Variants in PPP4R1 observed in about 807,000 individuals in gnomAD.
PPP4R1 encodes the protein protein phosphatase 4 regulatory subunit 1.
Under a neutral mutation model 111.2 loss-of-function variants are expected in PPP4R1, and 42 were observed. That is an observed-to-expected ratio of 0.38 (90% CI 0.29 to 0.49). The LOEUF (loss-of-function observed/expected upper bound fraction) is 0.49, where lower values mean the gene tolerates loss of function less well. Ranked by LOEUF, PPP4R1 falls within the 20% of genes least tolerant of loss-of-function variation. The pLI, the probability that PPP4R1 is intolerant of heterozygous loss-of-function variation, is 0.97. For synonymous variants in PPP4R1, 409 were observed against 405.5 expected, an observed-to-expected ratio of 1.01 and a Z score of -0.10; for missense variants, 1,012 against 1,161.6, an observed-to-expected ratio of 0.87 and a Z score of 1.87.
In PPP4R1 at chr18:9,588,825, T is replaced by G; in HGVS notation, c.324A>C (p.Glu108Asp). The G allele has an allele frequency of 1.2e-6, 2 of 1,614,002 alleles. No individual in the cohort carries two copies. Among genetic ancestry groups the G allele is most frequent in the Non-Finnish European group, 1.7e-6 (2 of 1,179,958 alleles). Reference protein sequence around the residue: ...SEPTVRAELMEQVPHIALFCQ... With the variant: ...SEPTVRAELMDQVPHIALFCQ... ...AAAACAGTGCGATGTGAGGCACCTG[T>G]TCCATCAGCTCCGCTCTCACAGTTG... is the stretch of plus-strand genomic sequence containing the variant. The change falls in exon 5 of 20, where the codon GAA becomes GAC. Residue 108 changes from glutamate (E) to aspartate (D), a missense_variant. Glu to Asp is a conservative substitution (Grantham distance 45). Around this residue, in one of 2 missense-constraint regions of PPP4R1, gnomAD observed 707 missense variants for 742.1 expected, o/e 0.95. Transcript: ENST00000400556.
chr18:9,560,848 C>A (rs189971545), intron 13 of PPP4R1, among the ~76,000 whole-genome samples: 2 of 147,098 alleles, frequency 1.4e-5, no homozygotes, highest in Admixed American at 6.8e-5. Flanking sequence ...GGTGACAGAG[C>A]GGAGACCCCA....
intron 13 of PPP4R1, among the ~76,000 whole-genome samples, chr18:9,561,693 G>C (rs1435843615): frequency 6.6e-6 from 1 of 152,158 alleles, no homozygotes; most frequent in Non-Finnish European, 1.5e-5. Flanking sequence ...ATGATAAAAA[G>C]AGGCACATGT....
intron 3 of PPP4R1, chr18:9,594,802 ATT>A (rs71168074): frequency 0.096 from 37,942 of 396,898 alleles, 1,818 homozygotes; most frequent in Non-Finnish European, 0.1. Flanking sequence ...ATTAATGGTA[ATT>A]TTTTTTTTTG....
At chr18:9,549,939 T>C in intron 18 of PPP4R1, 113 bp downstream of exon 18, 4 of 1,457,268 alleles carry the variant, frequency 2.7e-6, no homozygotes, top group Non-Finnish European at 3.7e-6. Flanking sequence ...CAGGCTACTA[T>C]AAGGTTCTGT....
chr18:9,561,969 T>C lies in PPP4R1; in HGVS notation c.1842+11A>G. The C allele has an allele frequency of 6.3e-7, 1 of 1,586,384 alleles. No individual in the cohort carries two copies. The highest frequency in any genetic ancestry group is 8.7e-7 in the Non-Finnish European group (1 of 1,155,132). On this transcript the variant is annotated intron_variant, in intron 13 of 19. Coordinates refer to ENST00000400556, the MANE Select transcript of PPP4R1 (RefSeq NM_001042388.3). ...CACACCCACAAAAGAACACATTTTTTGGTCACTTACTTGTACTTTAGTTCT... is the reference window on the plus strand; with the variant it reads ...CACACCCACAAAAGAACACATTTTTCGGTCACTTACTTGTACTTTAGTTCT...
intron 2 of PPP4R1, among the ~76,000 whole-genome samples, chr18:9,608,870 A>G (rs1248779407): frequency 6.6e-6 from 1 of 152,228 alleles, no homozygotes; most frequent in Non-Finnish European, 1.5e-5. Flanking sequence ...TAAACCAGAG[A>G]TCAAACAAAT....
At chr18:9,592,838 G>C (rs2067235004) in intron 4 of PPP4R1, among the ~76,000 whole-genome samples, 1 of 152,034 alleles carries the variant, frequency 6.6e-6, no homozygotes, top group Admixed American at 6.5e-5. Flanking sequence ...AAAAAAATAA[G>C]TAAAAATTAT....
At position 9,550,035 on chromosome 18, in the gene PPP4R1, C is replaced by T. The variant is rs1208335980; in HGVS notation, c.2547+17G>A. On this transcript the variant is annotated intron_variant, in intron 18 of 19. Transcript: ENST00000400556. Reference sequence around the variant, plus strand: ...GGAGAAAAACTCACAAACAGGTAAGCCCAGGGCCTCGCTTACCTGGCAGAC... The same window carrying T: ...GGAGAAAAACTCACAAACAGGTAAGTCCAGGGCCTCGCTTACCTGGCAGAC... 1.2e-6 allele frequency: 2 copies of T among 1,614,132 alleles called. No homozygotes were observed. Among genetic ancestry groups the T allele is most frequent in the Non-Finnish European group, 1.7e-6 (2 of 1,180,006 alleles).
intron 9 of PPP4R1, among the ~76,000 whole-genome samples, chr18:9,581,358 G>A (rs1452933562): frequency 6.6e-6 from 1 of 152,060 alleles, no homozygotes; most frequent in Non-Finnish European, 1.5e-5. Context: ...ATCAACTAGA[G>A]TATAACATCA....
intron 2 of PPP4R1, among the ~76,000 whole-genome samples, chr18:9,611,062 CCT>C (rs1323433651): frequency 6.6e-6 from 1 of 152,110 alleles, no homozygotes. Flanking sequence ...TGGCAATGCC[CCT>C]CTTTCAAGTC....
At chr18:9,555,941 C>A (rs967433562) in intron 15 of PPP4R1, among the ~76,000 whole-genome samples, 1 of 151,690 alleles carries the variant, frequency 6.6e-6, no homozygotes, top group East Asian at 2.0e-4. Context: ...TCAAGACCAT[C>A]CTGGCCAACA....
intron 8 of PPP4R1, among the ~76,000 whole-genome samples, 156 bp from the exon 9 acceptor site, chr18:9,583,431 A>C (rs2067064300): frequency 1.3e-5 from 2 of 152,132 alleles, no homozygotes; most frequent in Admixed American, 1.3e-4. Flanking sequence ...AGGTGGTGCG[A>C]TCTTGGCTCA....
At chr18:9,597,715 T>C (rs911093796) in intron 2 of PPP4R1, among the ~76,000 whole-genome samples, 2 of 152,004 alleles carry the variant, frequency 1.3e-5, no homozygotes, top group African/African-American at 4.8e-5. Context: ...TCCAAGAAAC[T>C]GTGTCACAGA....
At chr18:9,551,400 A>C (rs1469820249) in intron 16 of PPP4R1, 1 of 152,404 alleles carries the variant, frequency 6.6e-6, no homozygotes, top group Non-Finnish European at 1.5e-5. Context: ...TCAGCTGCCC[A>C]GGGCCAGATG....
intron 11 of PPP4R1, among the ~76,000 whole-genome samples, chr18:9,569,207 A>G (rs893367489): frequency 4.9e-4 from 75 of 152,034 alleles, no homozygotes; most frequent in Middle Eastern, 3.4e-3. Context: ...AAAAAAAAAA[A>G]AAGAAGAAAA....
chr18:9,591,317 A>T (rs537892887), intron 4 of PPP4R1, among the ~76,000 whole-genome samples: 113 of 151,774 alleles, frequency 7.4e-4, no homozygotes, highest in African/African-American at 2.6e-3. Flanking sequence ...ACCACACTCC[A>T]GCCTGGGTGA....
chr18:9,571,380 C>T (rs960435839), intron 10 of PPP4R1, among the ~76,000 whole-genome samples: 1 of 152,154 alleles, frequency 6.6e-6, no homozygotes, highest in Non-Finnish European at 1.5e-5. Context: ...TGAAGTACGA[C>T]TGTAAGTGTT....
At position 9,557,339 on chromosome 18, in the gene PPP4R1, G is replaced by A; in HGVS notation, c.2072C>T (p.Ala691Val). 6.2e-7 allele frequency: 1 copy of A among 1,608,688 alleles called. No homozygotes were observed. The highest frequency in any genetic ancestry group is 8.5e-7 in the Non-Finnish European group (1 of 1,178,658). The change falls in exon 15 of 20, where the codon GCA becomes GTA. Residue 691 changes from alanine to valine, a missense_variant. Physicochemically the swap from Ala to Val is moderately conservative, Grantham distance 64. Transcript: ENST00000400556. ...RTLAFSIHEL[A>V]VILGDQLTAA... The stretch of plus-strand genomic sequence containing the variant: ...TGTCAATTGATCTCCAAGAATAACT[G>A]CAAGCTCGTGGATGGAGAATGCTAG...
chr18:9,553,471 T>C, intron 15 of PPP4R1, 49 bp from the exon 16 acceptor site: 1 of 1,282,320 alleles, frequency 7.8e-7, no homozygotes, highest in South Asian at 1.2e-5. Flanking sequence ...ACAGACAGTA[T>C]TTCTTTTACT....
Sources: gnomAD v4.1 joint callset for allele counts (sites outside exome capture counted in the v4.1 genomes callset) on GRCh38, gnomAD v4.1.1 for gene constraint, gnomAD v4.1.1 regional missense constraint, MANE v1.5 for transcripts, NCBI Gene and HGNC (gene_info 2026-07-23, HGNC 2026-07-21) for gene names.